The following ALPK1 variants were observed in gnomAD, a reference collection of about 807,000 sequenced individuals.
The protein encoded by ALPK1 is alpha kinase 1.
A neutral mutation model predicts 120.6 loss-of-function variants in ALPK1; 110 were observed. The observed-to-expected ratio is 0.91, with a 90% CI of 0.78 to 1.07. The LOEUF is 1.07. ALPK1 is among the 50% of genes least tolerant of loss of function. ALPK1 has a pLI of 0.00. For synonymous variants in ALPK1, 582 were observed against 560.3 expected (o/e 1.04, Z -0.55); for missense variants, 1,498 against 1,483.9 (o/e 1.01, Z -0.16).
At chr4:112,435,043 A>C in intron 11 of ALPK1, 105 bp from the exon 12 acceptor site, 1 of 1,112,490 alleles carries the variant, frequency 9.0e-7, no homozygotes, top group Non-Finnish European at 1.3e-6. Flanking sequence ...TAAAAAAGTG[A>C]AGATTTCAGG....
At position 112,431,147 on chromosome 4, in the gene ALPK1, G is replaced by A; in HGVS notation, c.1600G>A (p.Gly534Arg). ...GAATGTTCAGAGGGAACTCAGAAGGGGAGGAAGGAGAAACTGGACCCATTC... is the reference window on the plus strand; with the variant it reads ...GAATGTTCAGAGGGAACTCAGAAGGAGAGGAAGGAGAAACTGGACCCATTC... Reference protein sequence around the residue: ...GKNVQRELRRGGRRNWTHSDA... With the variant: ...GKNVQRELRRRGRRNWTHSDA... Residue 534 changes from glycine (G) to arginine (R), a missense_variant, in exon 11 of 16, where the codon GGA becomes AGA. Transcript: ENST00000650871. 1.2e-6 allele frequency: 2 copies of A among 1,614,132 alleles called. No homozygotes were observed. The highest frequency in any genetic ancestry group is 1.7e-6 in the Non-Finnish European group (2 of 1,180,032).
At chr4:112,356,999 C>G in intron 2 of ALPK1, 1 of 776,520 alleles carries the variant, frequency 1.3e-6, no homozygotes, top group Non-Finnish European at 2.4e-6. Flanking sequence ...CAAGGTGGCA[C>G]AGCAGGGCCA....
intron 3 of ALPK1, among the ~76,000 whole-genome samples, chr4:112,380,052 A>G (rs751292460): frequency 6.6e-6 from 1 of 152,188 alleles, no homozygotes; most frequent in Non-Finnish European, 1.5e-5. Context: ...GACTGCTCAC[A>G]TTGACTCAGT....
chr4:112,353,326 C>T (rs1730448251), intron 2 of ALPK1, among the ~76,000 whole-genome samples: 3 of 152,046 alleles, frequency 2.0e-5, no homozygotes, highest in African/African-American at 7.2e-5. Flanking sequence ...TGGTTTGTTT[C>T]CTTTTGTTTG....
intron 2 of ALPK1, among the ~76,000 whole-genome samples, chr4:112,319,871 C>T (rs1344122364): frequency 1.3e-5 from 2 of 152,294 alleles, no homozygotes; most frequent in East Asian, 3.9e-4. Flanking sequence ...AGCAGAGCTA[C>T]TGATTTTGTG....
intron 1 of ALPK1, among the ~76,000 whole-genome samples, chr4:112,304,733 G>C (rs1377287005): frequency 1.3e-5 from 2 of 152,132 alleles, no homozygotes; most frequent in East Asian, 3.9e-4. Flanking sequence ...TTCTTTTGCT[G>C]TGCAGAAGCT....
At chr4:112,306,247 G>A (rs1173689681) in intron 1 of ALPK1, among the ~76,000 whole-genome samples, 4 of 151,990 alleles carry the variant, frequency 2.6e-5, no homozygotes, top group African/African-American at 7.3e-5. Flanking sequence ...TTGGTATCAG[G>A]ATGATGCTGG....
chr4:112,340,684 T>G (rs1729822694), intron 2 of ALPK1, among the ~76,000 whole-genome samples: 1 of 152,236 alleles, frequency 6.6e-6, no homozygotes, highest in Non-Finnish European at 1.5e-5. Flanking sequence ...GATTTCCACT[T>G]TGTGCGTGAG....
Position 112,429,205 on chromosome 4 carries a change from G to T in ALPK1, c.852G>T (p.Leu284=). ...TGTCCGCTGCAGAAGCCTGCAAGCT[G>T]GCAGCTGCCTTCAGTGCCTATACGC... The part of the protein sequence containing the change: ...HLLSAAEACK[L]AAAFSAYTPL... Residue 284 remains leucine, a synonymous_variant, in exon 10 of 16, where the codon CTG becomes CTT. Coordinates refer to ENST00000650871, the MANE Select transcript of ALPK1 (RefSeq NM_025144.4). 1 of 1,613,254 alleles carries T rather than the reference G, an allele frequency of 6.2e-7. No homozygotes were observed.
chr4:112,364,216 C>T (rs531761104), intron 2 of ALPK1, among the ~76,000 whole-genome samples: 4 of 151,456 alleles, frequency 2.6e-5, no homozygotes, highest in African/African-American at 4.8e-5. Context: ...AAGATCAGAG[C>T]AGAACTGAAT....
chr4:112,333,067 A>G (rs1008909780), intron 2 of ALPK1, among the ~76,000 whole-genome samples: 9 of 152,192 alleles, frequency 5.9e-5, no homozygotes, highest in African/African-American at 2.2e-4. Context: ...CCCTCAAGCC[A>G]CACTTCTATT....
At chr4:112,301,477 T>C (rs11934308) in intron 1 of ALPK1, among the ~76,000 whole-genome samples, 3,230 of 152,266 alleles carry the variant, frequency 0.021, 116 homozygotes, top group African/African-American at 0.073. Context: ...TACAGACTCC[T>C]GCACCATTAT....
At chr4:112,324,024 C>G (rs1203675596) in intron 2 of ALPK1, among the ~76,000 whole-genome samples, 1 of 152,164 alleles carries the variant, frequency 6.6e-6, no homozygotes, top group African/African-American at 2.4e-5. Context: ...GAGCCCACTG[C>G]TTTTATAAAA....
chr4:112,304,926 G>A (rs1411350233), intron 1 of ALPK1, among the ~76,000 whole-genome samples: 5 of 151,990 alleles, frequency 3.3e-5, no homozygotes, highest in African/African-American at 9.7e-5. Flanking sequence ...TAATTTTTGT[G>A]TAAGGTGTAA....
chr4:112,368,756 G>A (rs979071705), intron 2 of ALPK1, among the ~76,000 whole-genome samples: 12 of 152,178 alleles, frequency 7.9e-5, no homozygotes, highest in Admixed American at 6.5e-4. Context: ...TTTTGCCACA[G>A]ACAATTTTCC....
intron 5 of ALPK1, chr4:112,414,932 G>C (rs1488632088): frequency 5.3e-5 from 8 of 152,348 alleles, no homozygotes; most frequent in African/African-American, 1.9e-4. Flanking sequence ...GGGCAGAGAT[G>C]AGAGACAATT....
intron 4 of ALPK1, chr4:112,384,063 A>G (rs1268171107): frequency 6.6e-6 from 1 of 152,264 alleles, no homozygotes; most frequent in African/African-American, 2.4e-5. Flanking sequence ...AAAAAATCAT[A>G]AGTTGAACAA....
At chr4:112,389,191 C>T (rs183070320) in intron 4 of ALPK1, among the ~76,000 whole-genome samples, 11 of 152,128 alleles carry the variant, frequency 7.2e-5, no homozygotes, top group East Asian at 1.9e-4. Flanking sequence ...ACTACAGGCA[C>T]GCACCACCAC....
chr4:112,323,708 C>T (rs976703981), intron 2 of ALPK1, among the ~76,000 whole-genome samples: 1 of 152,142 alleles, frequency 6.6e-6, no homozygotes, highest in African/African-American at 2.4e-5. Flanking sequence ...GTGAGAGGCT[C>T]ATCTAGGAGT....
Sources: gnomAD v4.1 joint callset for allele counts (sites outside exome capture counted in the v4.1 genomes callset) on GRCh38, gnomAD v4.1.1 for gene constraint, MANE v1.5 for transcripts, NCBI Gene and HGNC (gene_info 2026-07-23, HGNC 2026-07-21) for gene names.